Variants in ZDHHC19 observed in about 807,000 individuals in gnomAD.
ZDHHC19 encodes palmitoyltransferase ZDHHC19.
A neutral mutation model predicts 33.9 loss-of-function variants in ZDHHC19; 30 were observed. That is an observed-to-expected ratio of 0.88 (90% CI 0.66 to 1.20). ZDHHC19 has a LOEUF of 1.20. Among genes scored for constraint, ZDHHC19 ranks in the 50% most tolerant of loss-of-function variants. The pLI is 0.00. For missense variants in ZDHHC19, 364 were observed against 401.1 expected, an observed-to-expected ratio of 0.91 and a Z score of 0.79; for synonymous variants, 178 against 167.6, an observed-to-expected ratio of 1.06 and a Z score of -0.48.
In ZDHHC19 at chr3:196,203,590, C is replaced by T. The variant is rs1489659327; in HGVS notation, c.687+3808G>A. Among the ~76,000 whole-genome samples, 6 of 152,106 alleles carry T rather than the reference C, an allele frequency of 3.9e-5. No homozygotes were observed. The highest frequency in any genetic ancestry group is 2.6e-4 in the Admixed American group (4 of 15,264). On this transcript the variant is annotated intron_variant, in intron 5 of 7. Coordinates refer to ENST00000296326, the MANE Select transcript of ZDHHC19 (RefSeq NM_001039617.2). The surrounding 1 kb of genome is among the most constrained non-coding windows in gnomAD (Gnocchi z 4.3). ...GGCCTGAGGCAGGTGCTGCGGGCTG[C>T]GGGAAGGAGCCCTGCCTGGTGAATC...
Position 196,198,875 on chromosome 3 carries a change from C to A in ZDHHC19, c.688-1G>T. The stretch of plus-strand genomic sequence containing the variant: ...GGTTGTATCCCTGAAGGTGTCTGCA[C>A]TGGTCGGGGATGGAAACCGGAAGAG... On this transcript the variant is annotated splice_acceptor_variant, in intron 5 of 7. Transcript: ENST00000296326. LOFTEE classifies it high-confidence loss of function. 1 of 1,613,780 alleles carries A rather than the reference C, an allele frequency of 6.2e-7. No homozygotes were observed. Among genetic ancestry groups the A allele is most frequent in the Non-Finnish European group, 8.5e-7 (1 of 1,179,788 alleles).
chr3:196,200,560 T>A (rs534421285), intron 5 of ZDHHC19, among the ~76,000 whole-genome samples: 1 of 149,500 alleles, frequency 6.7e-6, no homozygotes, highest in Non-Finnish European at 1.5e-5. Context: ...TTCACCGTGT[T>A]AGCCAGGATG....
At chr3:196,210,385 A>G (rs1723175278) in intron 2 of ZDHHC19, among the ~76,000 whole-genome samples, 1 of 31,170 alleles carries the variant, frequency 3.2e-5, no homozygotes, top group East Asian at 5.9e-4. Flanking sequence ...AGAGAGAGGA[A>G]GGAAGGAAAG....
At chr3:196,204,122 C>T (rs1404409613) in intron 5 of ZDHHC19, among the ~76,000 whole-genome samples, 1 of 152,084 alleles carries the variant, frequency 6.6e-6, no homozygotes, top group Non-Finnish European at 1.5e-5. Context: ...TGTCCTTTTT[C>T]ACAGACAACA....
intron 4 of ZDHHC19, 61 bp downstream of exon 4, chr3:196,208,327 T>A (rs1373563884): frequency 7.2e-4 from 878 of 1,214,336 alleles, no homozygotes; most frequent in Non-Finnish European, 8.8e-4. Context: ...AGCCCCGCCC[T>A]CTGCAGCCCC....
chr3:196,209,180 C>T (rs1332397654), intron 3 of ZDHHC19, 196 bp downstream of exon 3: 1 of 753,956 alleles, frequency 1.3e-6, no homozygotes, highest in Non-Finnish European at 2.1e-6. Flanking sequence ...CCTCTGCAGG[C>T]AACGGCCAGC....
At chr3:196,201,011 A>G (rs1362439778) in intron 5 of ZDHHC19, among the ~76,000 whole-genome samples, 2 of 151,822 alleles carry the variant, frequency 1.3e-5, no homozygotes, top group Non-Finnish European at 2.9e-5. Context: ...TTGATTGTAT[A>G]TGAGGCATAG....
chr3:196,204,532 T>C (rs1344318247), intron 5 of ZDHHC19, among the ~76,000 whole-genome samples: 2 of 152,158 alleles, frequency 1.3e-5, no homozygotes, highest in Non-Finnish European at 1.5e-5. Flanking sequence ...AACAATACAA[T>C]TTTTTAAATG....
At chr3:196,201,651 G>A (rs757601820) in intron 5 of ZDHHC19, among the ~76,000 whole-genome samples, 2 of 151,982 alleles carry the variant, frequency 1.3e-5, no homozygotes, top group African/African-American at 2.4e-5. Context: ...AACCTAGGAG[G>A]TGGAGGTTGC....
chr3:196,209,097 G>A (rs1256714579), intron 3 of ZDHHC19: 2 of 420,094 alleles, frequency 4.8e-6, no homozygotes, highest in Non-Finnish European at 8.5e-6. Context: ...CCAGGGGTGG[G>A]ACAGAGGGCT....
At chr3:196,210,374 AAGAG>A (rs1386161498) in intron 2 of ZDHHC19, among the ~76,000 whole-genome samples, 5 of 105,156 alleles carry the variant, frequency 4.8e-5, no homozygotes, top group South Asian at 7.8e-4. Flanking sequence ...GAAGGAAGGA[AAGAG>A]AGAGGAAGGA....
intron 4 of ZDHHC19, among the ~76,000 whole-genome samples, chr3:196,207,869 TC>T (rs1202159906): frequency 1.1e-4 from 14 of 129,342 alleles, no homozygotes; most frequent in African/African-American, 3.8e-4. Context: ...CACCCCGCTG[TC>T]CCCGCCCGTC....
intron 5 of ZDHHC19, among the ~76,000 whole-genome samples, chr3:196,204,764 G>A (rs1722603455): frequency 6.6e-6 from 1 of 152,146 alleles, no homozygotes; most frequent in South Asian, 2.1e-4. Context: ...GGGTAGGAAT[G>A]CAAAATAGTA....
intron 2 of ZDHHC19, among the ~76,000 whole-genome samples, chr3:196,210,211 GAGAAAGAAAGAAGAAA>G (rs1390292500): frequency 7.8e-6 from 1 of 128,242 alleles, no homozygotes; most frequent in African/African-American, 3.1e-5. Context: ...AAAGGAAAGA[GAGAAAGAAAGAAGAAA>G]GGAAAGAAGG....
In ZDHHC19 at chr3:196,210,285, A is replaced by AGAAAGAAG. The variant is rs750596258; in HGVS notation, c.268+330_268+331insCTTCTTTC. 9.1e-4 allele frequency among the ~76,000 whole-genome samples: 127 copies of AGAAAGAAG among 139,652 alleles called. 3 individuals are homozygous for AGAAAGAAG. In the East Asian group the frequency reaches 0.011, roughly 12 times the overall value. The allele number at this position is 139,652 out of a possible 152,430, so 91.6% of individuals were successfully genotyped here. ...AAAGAAAAGAGAAAGAAAGAAAGAA[A>AGAAAGAAG]GAAGGAAGGAAGGAAAGAGAGAGGA... is the stretch of plus-strand genomic sequence containing the variant. On this transcript the variant is annotated intron_variant, in intron 2 of 7. Coordinates refer to ENST00000296326, the MANE Select transcript of ZDHHC19 (RefSeq NM_001039617.2).
intron 1 of ZDHHC19, among the ~76,000 whole-genome samples, chr3:196,210,955 G>A (rs145783402): frequency 6.6e-6 from 1 of 151,606 alleles, no homozygotes; most frequent in African/African-American, 2.4e-5. Context: ...TGACCTCTGC[G>A]CCTTTGCACG....
At chr3:196,204,967 G>T (rs533093035) in intron 5 of ZDHHC19, among the ~76,000 whole-genome samples, 1 of 152,104 alleles carries the variant, frequency 6.6e-6, no homozygotes, top group African/African-American at 2.4e-5. Flanking sequence ...TTAGCCCGGC[G>T]TGGTGGCTCA....
At chr3:196,199,834 A>G (rs954032914) in intron 5 of ZDHHC19, among the ~76,000 whole-genome samples, 3 of 151,744 alleles carry the variant, frequency 2.0e-5, no homozygotes, top group African/African-American at 7.3e-5. Flanking sequence ...GATCCCAGCT[A>G]CTCGGGAGGC....
chr3:196,206,097 G>A (rs1722710506), intron 5 of ZDHHC19, among the ~76,000 whole-genome samples: 1 of 152,094 alleles, frequency 6.6e-6, no homozygotes, highest in Non-Finnish European at 1.5e-5. Context: ...TGTCACCCAG[G>A]CTGGAGTGCA....
Sources: allele counts gnomAD v4.1 joint callset (sites outside exome capture counted in the v4.1 genomes callset), GRCh38; gene constraint gnomAD v4.1.1; non-coding constraint Gnocchi (gnomAD v3.1); transcripts MANE v1.5; gene names NCBI Gene and HGNC (gene_info 2026-07-23, HGNC 2026-07-21).